The following PIWIL1 variants were observed in gnomAD, a reference collection of about 807,000 sequenced individuals.
PIWIL1 encodes piwi-like protein 1.
Under a neutral mutation model 114.4 loss-of-function variants are expected in PIWIL1, and 73 were observed. The ratio of observed to expected loss-of-function variants is 0.64; its 90% CI spans 0.53 to 0.78. The LOEUF is 0.78. PIWIL1 is among the 30% of genes least tolerant of loss of function. The pLI, the probability that PIWIL1 is intolerant of heterozygous loss-of-function variation, is 0.00. For missense variants in PIWIL1, 723 were observed against 1,063.1 expected, an observed-to-expected ratio of 0.68 and a Z score of 4.45; for synonymous variants, 375 against 369.0, an observed-to-expected ratio of 1.02 and a Z score of -0.19.
rs770205582 is a variant in PIWIL1, at chr12:130,361,187, G to C, written c.1673G>C (p.Cys558Ser). ...AGGGCACTTTGTTTTCAGGTTGTCT[G>C]TCTGTTGTCAAGTAATCGGAAGGAC... ...KVTADTQIVVCLLSSNRKDKY... is the reference protein window; with the variant it reads ...KVTADTQIVVSLLSSNRKDKY... The change falls in exon 15 of 21, where the codon TGT becomes TCT. Residue 558 changes from cysteine (C) to serine (S), a missense_variant. Around this residue, in one of 8 missense-constraint regions of PIWIL1, gnomAD observed 298 missense variants for 420.8 expected, o/e 0.71. Transcript: ENST00000245255. 3 of 1,614,082 alleles carry C rather than the reference G, an allele frequency of 1.9e-6. No individual in the cohort carries two copies. Among genetic ancestry groups the C allele is most frequent in the Middle Eastern group, 3.3e-4 (2 of 6,062 alleles).
chr12:130,346,907 T>G, intron 5 of PIWIL1, 34 bp from the exon 6 acceptor site: 1 of 1,601,278 alleles, frequency 6.2e-7, no homozygotes, highest in Non-Finnish European at 8.5e-7. Flanking sequence ...CTTTAAGGAT[T>G]TAAAGTTTGG....
chr12:130,377,305 A>G (rs2073874367), downstream of PIWIL1, among the ~76,000 whole-genome samples: 1 of 152,220 alleles, frequency 6.6e-6, no homozygotes, highest in Admixed American at 6.5e-5. Context: ...AACAGCCCCT[A>G]GTATTTCCTG....
the PIWIL1 span, among the ~76,000 whole-genome samples, chr12:130,389,499 A>G: frequency 6.6e-6 from 1 of 152,034 alleles, no homozygotes; most frequent in Non-Finnish European, 1.5e-5. Flanking sequence ...TTTTTTATTA[A>G]TCAGTGTCAT....
chr12:130,390,493 G>A, the PIWIL1 span, among the ~76,000 whole-genome samples: 1 of 152,168 alleles, frequency 6.6e-6, no homozygotes, highest in Non-Finnish European at 1.5e-5. Context: ...CATTATAAAG[G>A]ACTCCGGGGT....
the PIWIL1 span, among the ~76,000 whole-genome samples, chr12:130,392,960 C>CG: frequency 7.5e-4 from 103 of 137,050 alleles, no homozygotes; most frequent in South Asian, 1.3e-3. Flanking sequence ...TGTGATGACC[C>CG]AGTCACCGTC....
In PIWIL1 at chr12:130,346,946, T is replaced by C. The variant is rs757689467; in HGVS notation, c.537T>C (p.Thr179=). 1.4e-5 allele frequency: 22 copies of C among 1,611,896 alleles called. No homozygotes were observed. In the South Asian group the frequency reaches 2.4e-4, roughly 18 times the overall value. Residue 179 remains threonine (T), a synonymous_variant, in exon 6 of 21, where the codon ACT becomes ACC. Transcript: ENST00000245255. The part of the protein sequence containing the change: ...FLPKRLQQKV[T]EVFSKTRNGE... Reference sequence around the variant, plus strand: ...TTCCACCTCTCTGGCTTCAGGTTACTGAAGTTTTTAGTAAGACCCGGAATG... The same window carrying C: ...TTCCACCTCTCTGGCTTCAGGTTACCGAAGTTTTTAGTAAGACCCGGAATG...
At chr12:130,402,007 A>C in the PIWIL1 span, among the ~76,000 whole-genome samples, 2 of 152,218 alleles carry the variant, frequency 1.3e-5, no homozygotes. Context: ...CTGGCTGAGT[A>C]GAATGTGGGT....
chr12:130,410,765 T>C, the PIWIL1 span, among the ~76,000 whole-genome samples: 1 of 152,236 alleles, frequency 6.6e-6, no homozygotes, highest in African/African-American at 2.4e-5. Context: ...CATACCTCTA[T>C]AGTAGTAAGC....
the PIWIL1 span, among the ~76,000 whole-genome samples, chr12:130,385,564 G>T: frequency 6.6e-6 from 1 of 152,220 alleles, no homozygotes. Flanking sequence ...CTGAAGATGC[G>T]TCTATGTGAA....
rs746353353 is a variant in PIWIL1 at position 130,348,201 on chromosome 12, CGTTTAATATTCCTTAG to C, written c.734+20_734+35del. 2.5e-5 allele frequency: 36 copies of C among 1,418,430 alleles called. No homozygotes were observed. Among genetic ancestry groups the C allele is most frequent in the Non-Finnish European group, 3.4e-5 (34 of 1,007,374 alleles). 87.9% of individuals were successfully genotyped at this position (1,418,430 alleles called of 1,614,324 possible). ...AGTCACAGGTTTGTATGAAGTAGAA[CGTTTAATATTCCTTAG>C]GCTTAATGACAGACTTTTGAGACGA... is the stretch of plus-strand genomic sequence containing the variant. On this transcript the variant is annotated intron_variant, in intron 7 of 20. Coordinates refer to ENST00000245255, the MANE Select transcript of PIWIL1 (RefSeq NM_004764.5).
intron 19 of PIWIL1, among the ~76,000 whole-genome samples, chr12:130,367,794 G>C (rs947107629): frequency 6.6e-6 from 1 of 152,164 alleles, no homozygotes; most frequent in Non-Finnish European, 1.5e-5. Context: ...CCGTGAGAAA[G>C]TCAGGAAACT....
At chr12:130,401,527 C>G in the PIWIL1 span, among the ~76,000 whole-genome samples, 2 of 151,886 alleles carry the variant, frequency 1.3e-5, no homozygotes, top group Non-Finnish European at 2.9e-5. Flanking sequence ...ACACTCACTG[C>G]CCTGCCCCGC....
At chr12:130,363,186 G>T in intron 18 of PIWIL1, 42 bp downstream of exon 18, 2 of 1,575,284 alleles carry the variant, frequency 1.3e-6, no homozygotes, top group African/African-American at 2.7e-5. Context: ...TTATAAAACT[G>T]CACCTTTGTA....
intron 19 of PIWIL1, 21 bp from the exon 20 acceptor site, chr12:130,371,155 G>A (rs751712473): frequency 8.7e-6 from 14 of 1,609,928 alleles, no homozygotes; most frequent in African/African-American, 6.7e-5. Context: ...CAGCACATCC[G>A]TGTGTTTTCT....
chr12:130,404,925 G>A, the PIWIL1 span, among the ~76,000 whole-genome samples: 1 of 151,918 alleles, frequency 6.6e-6, no homozygotes, highest in African/African-American at 2.4e-5. Flanking sequence ...ATTTTAAAAC[G>A]TATTCATTTT....
At chr12:130,408,840 G>T in the PIWIL1 span, among the ~76,000 whole-genome samples, 2 of 152,212 alleles carry the variant, frequency 1.3e-5, no homozygotes, top group African/African-American at 4.8e-5. Context: ...ACTAAAGTCA[G>T]CGATGTGGCT....
At chr12:130,409,450 C>A in the PIWIL1 span, among the ~76,000 whole-genome samples, 17 of 140,182 alleles carry the variant, frequency 1.2e-4, no homozygotes, top group African/African-American at 3.6e-4. Context: ...TCATGCGATT[C>A]TCCTGCTTCG....
chr12:130,349,339 G>GT lies in PIWIL1; in HGVS notation c.839dup (p.Leu280PhefsTer15). ...CCATAAAGTCCTTCGAAGTGAGACT[G>GT]TTTTGGATTTCATGTTCAACTTTTA... On this transcript the variant is annotated frameshift_variant, in exon 8 of 21. Coordinates refer to ENST00000245255, the MANE Select transcript of PIWIL1 (RefSeq NM_004764.5). LOFTEE classifies it high-confidence loss of function. 1 of 1,613,720 alleles carries GT rather than the reference G, an allele frequency of 6.2e-7. No individual in the cohort carries two copies. The highest frequency in any genetic ancestry group is 8.5e-7 in the Non-Finnish European group (1 of 1,179,638).
the PIWIL1 span, among the ~76,000 whole-genome samples, chr12:130,400,826 A>C: frequency 6.6e-6 from 1 of 152,240 alleles, no homozygotes; most frequent in East Asian, 1.9e-4. Flanking sequence ...CAGCAGGCAC[A>C]TGAAAAGATG....
Sources: gnomAD v4.1 joint callset for allele counts (sites outside exome capture counted in the v4.1 genomes callset) on GRCh38, gnomAD v4.1.1 for gene constraint, gnomAD v4.1.1 regional missense constraint, MANE v1.5 for transcripts, NCBI Gene and HGNC (gene_info 2026-07-23, HGNC 2026-07-21) for gene names.